Variants in DPP10 observed in about 807,000 individuals in gnomAD.
The protein encoded by DPP10 is dipeptidyl peptidase like 10.
A neutral mutation model predicts 120.9 loss-of-function variants in DPP10; 33 were observed. The ratio of observed to expected loss-of-function variants is 0.27; its 90% CI spans 0.21 to 0.37. The LOEUF (loss-of-function observed/expected upper bound fraction) is 0.37, where lower values mean the gene tolerates loss of function less well. Ranked by LOEUF, DPP10 falls within the 10% of genes least tolerant of loss-of-function variation. The probability of loss-of-function intolerance (pLI) is 1.00; values close to 1 mark genes in which losing one functional copy is unlikely to be tolerated. For missense variants in DPP10, 816 were observed against 942.8 expected (o/e 0.87, Z 1.76); for synonymous variants, 337 against 326.1 (o/e 1.03, Z -0.36).
At chr2:115,431,002 C>T (rs2070925620) in intron 3 of DPP10, among the ~76,000 whole-genome samples, 1 of 152,178 alleles carries the variant, frequency 6.6e-6, no homozygotes, top group Non-Finnish European at 1.5e-5. Flanking sequence ...CTCTGCCAGA[C>T]ACATTATATT....
chr2:115,266,056 GTT>G (rs762170627), intron 1 of DPP10, among the ~76,000 whole-genome samples: 11 of 152,042 alleles, frequency 7.2e-5, no homozygotes, highest in Non-Finnish European at 1.0e-4. Flanking sequence ...TCATATTAGT[GTT>G]TCAAAATATA....
chr2:115,468,813 C>T (rs558111109), intron 3 of DPP10: 78 of 454,398 alleles, frequency 1.7e-4, no homozygotes, highest in Non-Finnish European at 2.8e-4. Context: ...GTGCAGGTGC[C>T]CTCTGTGCTT....
intron 1 of DPP10, among the ~76,000 whole-genome samples, chr2:115,011,077 C>T (rs1702229636): frequency 6.6e-6 from 1 of 152,126 alleles, no homozygotes; most frequent in African/African-American, 2.4e-5. Context: ...GTTTCAAATA[C>T]TTGGGGATTT....
intron 3 of DPP10, among the ~76,000 whole-genome samples, chr2:115,424,277 T>A (rs2070253568): frequency 6.6e-6 from 1 of 152,166 alleles, no homozygotes; most frequent in South Asian, 2.1e-4. Context: ...TGGCAGTAGT[T>A]TTTGCATTAA....
chr2:115,478,584 T>G (rs1349841294), intron 3 of DPP10, among the ~76,000 whole-genome samples: 1 of 152,064 alleles, frequency 6.6e-6, no homozygotes, highest in Non-Finnish European at 1.5e-5. Flanking sequence ...TAAGTGTGCA[T>G]CAAAAGACAT....
At chr2:114,994,835 A>T (rs1163648202) in intron 1 of DPP10, among the ~76,000 whole-genome samples, 1 of 152,224 alleles carries the variant, frequency 6.6e-6, no homozygotes, top group Non-Finnish European at 1.5e-5. Flanking sequence ...CACAGTGGTT[A>T]TTTAGATGAA....
chr2:115,217,349 G>T (rs1265744213), intron 1 of DPP10, among the ~76,000 whole-genome samples: 3 of 152,156 alleles, frequency 2.0e-5, no homozygotes, highest in Non-Finnish European at 4.4e-5. Flanking sequence ...AACACCTAAA[G>T]AGTGCTCGCC....
chr2:115,086,543 G>A (rs1458392675), intron 1 of DPP10, among the ~76,000 whole-genome samples: 7 of 146,522 alleles, frequency 4.8e-5, no homozygotes, highest in African/African-American at 1.5e-4. Flanking sequence ...TGCAAGCTCC[G>A]CCTTCCGGGT....
At chr2:115,120,464 C>T (rs545882173) in intron 1 of DPP10, among the ~76,000 whole-genome samples, 2 of 152,152 alleles carry the variant, frequency 1.3e-5, no homozygotes, top group South Asian at 2.1e-4. Context: ...AGACAAGGAG[C>T]CTTCTATATT....
chr2:115,379,493 CA>C (rs1367689746), intron 3 of DPP10, among the ~76,000 whole-genome samples: 5 of 151,972 alleles, frequency 3.3e-5, no homozygotes, highest in African/African-American at 9.7e-5. Context: ...TTGATCCTTT[CA>C]AAAAACCAGC....
intron 7 of DPP10, among the ~76,000 whole-genome samples, chr2:115,725,803 C>T (rs1014073607): frequency 6.6e-6 from 1 of 152,094 alleles, no homozygotes; most frequent in African/African-American, 2.4e-5. Flanking sequence ...AAAGGAATTT[C>T]CTCCAAATAA....
At chr2:115,251,223 C>T (rs2058737097) in intron 1 of DPP10, among the ~76,000 whole-genome samples, 1 of 152,166 alleles carries the variant, frequency 6.6e-6, no homozygotes, top group South Asian at 2.1e-4. Flanking sequence ...AGAAAAGCTT[C>T]ACAGCTTTCT....
At chr2:114,942,070 G>T (rs923559104) in intron 1 of DPP10, among the ~76,000 whole-genome samples, 1 of 151,312 alleles carries the variant, frequency 6.6e-6, no homozygotes, top group Non-Finnish European at 1.5e-5. Flanking sequence ...TCAGGAGATC[G>T]AGACCATCCT....
chr2:115,433,960 T>A (rs1275954600), intron 3 of DPP10, among the ~76,000 whole-genome samples: 1 of 152,028 alleles, frequency 6.6e-6, no homozygotes, highest in Non-Finnish European at 1.5e-5. Flanking sequence ...TAACAGTCAT[T>A]ATCTATTTAT....
intron 1 of DPP10, among the ~76,000 whole-genome samples, chr2:114,463,684 G>A (rs1220819990): frequency 6.6e-6 from 1 of 152,052 alleles, no homozygotes; most frequent in Admixed American, 6.6e-5. Flanking sequence ...TTTATTCTCT[G>A]CTCTGTAAAG....
chr2:114,851,053 T>C (rs1416787509), intron 1 of DPP10, among the ~76,000 whole-genome samples: 1 of 152,152 alleles, frequency 6.6e-6, no homozygotes, highest in African/African-American at 2.4e-5. Flanking sequence ...ACATAACTGC[T>C]TCATTTTAAT....
intron 1 of DPP10, among the ~76,000 whole-genome samples, chr2:115,146,004 A>T (rs1213969846): frequency 1.3e-5 from 2 of 152,110 alleles, no homozygotes; most frequent in African/African-American, 2.4e-5. Flanking sequence ...CACTATGCAG[A>T]GTACTTTTCA....
At chr2:114,960,613 C>T (rs75883683) in intron 1 of DPP10, among the ~76,000 whole-genome samples, 3,084 of 152,066 alleles carry the variant, frequency 0.02, 104 homozygotes, top group African/African-American at 0.068. Context: ...ATTATCTAAC[C>T]TCAAGACCAC....
intron 1 of DPP10, among the ~76,000 whole-genome samples, chr2:114,690,323 C>T (rs971764404): frequency 6.6e-6 from 1 of 151,980 alleles, no homozygotes; most frequent in Admixed American, 6.6e-5. Flanking sequence ...CTCCCAGCAC[C>T]ATTGATTAAA....
Sources: allele counts gnomAD v4.1 joint callset (sites outside exome capture counted in the v4.1 genomes callset), GRCh38; gene constraint gnomAD v4.1.1; transcripts MANE v1.5; gene names NCBI Gene and HGNC (gene_info 2026-07-23, HGNC 2026-07-21).